The following APPL1 variants were observed in gnomAD, a reference collection of about 807,000 sequenced individuals.
APPL1 encodes the protein DCC-interacting protein 13-alpha.
APPL1 carries 42 observed loss-of-function variants against 106.8 expected under a neutral mutation model. The observed-to-expected ratio is 0.39, with a 90% CI of 0.31 to 0.51. APPL1 has a LOEUF of 0.51. Among genes scored for constraint, APPL1 ranks in the 20% least tolerant of loss-of-function variants. The pLI, the probability that APPL1 is intolerant of heterozygous loss-of-function variation, is 0.75. For synonymous variants in APPL1, 263 were observed against 281.8 expected, an observed-to-expected ratio of 0.93 and a Z score of 0.67; for missense variants, 769 against 858.2, an observed-to-expected ratio of 0.90 and a Z score of 1.30.
At chr3:57,248,169 A>G in intron 9 of APPL1, 24 bp from the exon 10 acceptor site, 6 of 1,585,566 alleles carry the variant, frequency 3.8e-6, no homozygotes, top group Non-Finnish European at 5.2e-6. Flanking sequence ...TGTGATTTGT[A>G]GCAAATAATC....
intron 4 of APPL1, 118 bp downstream of exon 4, chr3:57,238,234 TTCCACATC>T (rs1198802921): frequency 1.5e-6 from 1 of 649,172 alleles, no homozygotes; most frequent in African/African-American, 1.9e-5. Context: ...GGAACCTTAA[TTCCACATC>T]CTGGTGGCTG....
intron 19 of APPL1, among the ~76,000 whole-genome samples, chr3:57,263,752 C>T (rs1284922682): frequency 1.3e-5 from 2 of 150,234 alleles, no homozygotes; most frequent in Non-Finnish European, 3.0e-5. Context: ...TTTTCTTTAT[C>T]CATTCATCTG....
intron 9 of APPL1, 100 bp from the exon 10 acceptor site, chr3:57,248,093 C>T (rs1472836806): frequency 7.7e-7 from 1 of 1,298,288 alleles, no homozygotes; most frequent in Non-Finnish European, 1.0e-6. Context: ...CTCTTCCTCT[C>T]TTTAAGAAAA....
chr3:57,249,646 G>T, intron 11 of APPL1, 98 bp downstream of exon 11: 7 of 1,076,524 alleles, frequency 6.5e-6, no homozygotes, highest in Non-Finnish European at 7.7e-6. Flanking sequence ...GGACATTTTA[G>T]GTTCATTATG....
intron 10 of APPL1, 112 bp downstream of exon 10, chr3:57,248,463 CT>C: frequency 8.1e-7 from 1 of 1,231,194 alleles, no homozygotes; most frequent in Non-Finnish European, 1.1e-6. Flanking sequence ...AAGGTTGAAA[CT>C]TTTTAGAGGT....
chr3:57,243,285 G>A (rs1426272699), intron 7 of APPL1, among the ~76,000 whole-genome samples: 1 of 152,118 alleles, frequency 6.6e-6, no homozygotes, highest in Non-Finnish European at 1.5e-5. Context: ...ATGAAATTCT[G>A]TTATGAGGCC....
At chr3:57,268,643 ATC>A in intron 21 of APPL1, 156 bp downstream of exon 21, 1 of 771,408 alleles carries the variant, frequency 1.3e-6, no homozygotes, top group Non-Finnish European at 1.9e-6. Flanking sequence ...AAAGGGTCAC[ATC>A]TGTTTTTTGA....
chr3:57,242,927 T>C lies in APPL1; in HGVS notation c.474+13T>C, dbSNP rs747812013. 3 of 1,597,182 alleles carry C rather than the reference T, an allele frequency of 1.9e-6. No individual in the cohort carries two copies. The highest frequency in any genetic ancestry group is 4.5e-5 in the East Asian group (2 of 44,776). ...AGAAAATGACAAGGTGTGGTACATA[T>C]TTATTCCTTCAGTGTCATAATTAAC... On this transcript the variant is annotated intron_variant, in intron 7 of 21. Transcript: ENST00000288266.
intron 2 of APPL1, among the ~76,000 whole-genome samples, chr3:57,236,936 T>C (rs2060719393): frequency 6.6e-6 from 1 of 152,196 alleles, no homozygotes; most frequent in Non-Finnish European, 1.5e-5. Flanking sequence ...GTTGCTATGT[T>C]GTTGTTTAGT....
chr3:57,263,758 A>G (rs1290554827), intron 19 of APPL1, among the ~76,000 whole-genome samples: 9 of 143,680 alleles, frequency 6.3e-5, no homozygotes, highest in Non-Finnish European at 1.2e-4. Flanking sequence ...TTATCCATTC[A>G]TCTGTTGTTT....
rs1175643340 is a variant in APPL1, at chr3:57,273,438, G to A, written c.*3751G>A. 1 of 152,498 alleles carries A rather than the reference G, an allele frequency of 6.6e-6. No individual in the cohort carries two copies. Among genetic ancestry groups the A allele is most frequent in the Non-Finnish European group, 1.5e-5 (1 of 68,012 alleles). 9.4% of individuals were successfully genotyped at this position (152,498 alleles called of 1,614,324 possible). ...AGAAGATTTTTTAATGTATAATAAA[G>A]TCCATGATTTTTGTACAGTGTTTTT... On this transcript the variant is annotated 3_prime_UTR_variant, in exon 22 of 22. Coordinates refer to ENST00000288266, the MANE Select transcript of APPL1 (RefSeq NM_012096.3).
chr3:57,249,256 T>C (rs746714143), intron 10 of APPL1, 104 bp from the exon 11 acceptor site: 1 of 1,182,336 alleles, frequency 8.5e-7, no homozygotes, highest in Non-Finnish European at 1.2e-6. Flanking sequence ...TCTTGGTGCC[T>C]CTTCGCAAGC....
In APPL1 at chr3:57,250,862, C is replaced by T. The variant is rs1239164966; in HGVS notation, c.1052+1314C>T. Among the ~76,000 whole-genome samples the T allele has an allele frequency of 4.5e-4, 60 of 132,652 alleles. 3 individuals carry two copies. Among genetic ancestry groups the T allele is most frequent in the Middle Eastern group, 0.01 (2 of 198 alleles). 87.0% of individuals were successfully genotyped at this position (132,652 alleles called of 152,430 possible). ...TCGCTCTGTCGCCCAGGCTGGAGTGCAGTGGCGCGATCTCGGCTCACTGCA... is the reference window on the plus strand; with the variant it reads ...TCGCTCTGTCGCCCAGGCTGGAGTGTAGTGGCGCGATCTCGGCTCACTGCA... On this transcript the variant is annotated intron_variant, in intron 11 of 21. Coordinates refer to ENST00000288266, the MANE Select transcript of APPL1 (RefSeq NM_012096.3).
At chr3:57,238,632 T>A (rs1286495360) in intron 4 of APPL1, among the ~76,000 whole-genome samples, 1 of 152,226 alleles carries the variant, frequency 6.6e-6, no homozygotes, top group Admixed American at 6.5e-5. Flanking sequence ...AAACCTCTTC[T>A]TTTCACATGG....
chr3:57,245,322 A>G (rs2060766956), intron 7 of APPL1, among the ~76,000 whole-genome samples: 1 of 152,158 alleles, frequency 6.6e-6, no homozygotes, highest in African/African-American at 2.4e-5. Context: ...ACGTATTTCA[A>G]GTATGGGTGA....
In APPL1 at chr3:57,249,517, T is replaced by C; in HGVS notation, c.1021T>C (p.Cys341Arg). ...MAVDCEDRRY[C>R]FQITSFDGKK... ...TGTGGACTGTGAAGACAGACGATAT[T>C]GTTTTCAGATCACCTCTTTCGATGG... The change falls in exon 11 of 22, where the codon TGT becomes CGT. Residue 341 changes from cysteine to arginine, a missense_variant. Transcript: ENST00000288266. 6.3e-7 allele frequency: 1 copy of C among 1,599,012 alleles called. No individual in the cohort carries two copies. The highest frequency in any genetic ancestry group is 8.5e-7 in the Non-Finnish European group (1 of 1,174,380).
intron 4 of APPL1, among the ~76,000 whole-genome samples, chr3:57,239,033 C>T (rs1251828024): frequency 6.6e-6 from 1 of 152,204 alleles, no homozygotes; most frequent in Non-Finnish European, 1.5e-5. Flanking sequence ...GCCTCACAAT[C>T]ATGGCGGAAG....
chr3:57,245,521 C>G (rs913371552), intron 7 of APPL1, among the ~76,000 whole-genome samples: 1 of 151,352 alleles, frequency 6.6e-6, no homozygotes, highest in Non-Finnish European at 1.5e-5. Context: ...TTCTTAGTTA[C>G]GTACAGAATT....
chr3:57,257,492 A>G (rs2060843656), intron 15 of APPL1, 64 bp downstream of exon 15: 8 of 1,328,098 alleles, frequency 6.0e-6, no homozygotes, highest in African/African-American at 2.9e-5. Flanking sequence ...CCCTGTCTGC[A>G]TTTCAGAGTC....
Sources: allele counts gnomAD v4.1 joint callset (sites outside exome capture counted in the v4.1 genomes callset), GRCh38; gene constraint gnomAD v4.1.1; transcripts MANE v1.5; gene names NCBI Gene and HGNC (gene_info 2026-07-23, HGNC 2026-07-21).